Variants in TMPRSS11E observed in about 807,000 individuals in gnomAD.
TMPRSS11E encodes transmembrane protease serine 11E.
TMPRSS11E carries 38 observed loss-of-function variants against 48.1 expected under a neutral mutation model. That is an observed-to-expected ratio of 0.79 (90% CI 0.61 to 1.04). The LOEUF is 1.04. Ranked by LOEUF, TMPRSS11E falls within the 50% of genes least tolerant of loss-of-function variation. The pLI, the probability that TMPRSS11E is intolerant of heterozygous loss-of-function variation, is 0.00. For missense variants in TMPRSS11E, 530 were observed against 510.8 expected (o/e 1.04, Z -0.36); for synonymous variants, 158 against 171.9 (o/e 0.92, Z 0.63).
chr4:68,457,755 A>G (rs1478182576), intron 1 of TMPRSS11E, among the ~76,000 whole-genome samples: 1 of 152,142 alleles, frequency 6.6e-6, no homozygotes, highest in Admixed American at 6.6e-5. Flanking sequence ...TGCAGCCATA[A>G]AAGAGGATGA....
At chr4:68,465,299 C>G (rs1472894151) in intron 2 of TMPRSS11E, among the ~76,000 whole-genome samples, 1 of 152,170 alleles carries the variant, frequency 6.6e-6, no homozygotes, top group Non-Finnish European at 1.5e-5. Context: ...CGCACCCAAG[C>G]CCTTGTCAGA....
At chr4:68,479,654 A>C (rs1241512260) in intron 9 of TMPRSS11E, among the ~76,000 whole-genome samples, 1 of 150,608 alleles carries the variant, frequency 6.6e-6, no homozygotes, top group African/African-American at 2.4e-5. Context: ...AATATTAATA[A>C]ATATAAATAT....
intron 1 of TMPRSS11E, among the ~76,000 whole-genome samples, chr4:68,456,601 G>A: frequency 6.6e-6 from 1 of 151,998 alleles, no homozygotes; most frequent in East Asian, 1.9e-4. Flanking sequence ...GCTGGTTTGG[G>A]CTTTTCACAA....
At chr4:68,449,765 C>A (rs1728443877) in intron 1 of TMPRSS11E, among the ~76,000 whole-genome samples, 5 of 151,716 alleles carry the variant, frequency 3.3e-5, no homozygotes, top group Admixed American at 3.3e-4. Context: ...GAAATTAAAC[C>A]ATAAATGAAA....
intron 4 of TMPRSS11E, among the ~76,000 whole-genome samples, chr4:68,471,151 A>G (rs1377725545): frequency 6.6e-6 from 1 of 151,960 alleles, no homozygotes; most frequent in African/African-American, 2.4e-5. Flanking sequence ...GGAAACATTT[A>G]TGGATGTATT....
Position 68,472,246 on chromosome 4 carries a change from A to G in TMPRSS11E, c.490+623A>G, listed in dbSNP as rs548496897. On this transcript the variant is annotated intron_variant, in intron 5 of 9. Coordinates refer to ENST00000305363, the MANE Select transcript of TMPRSS11E (RefSeq NM_014058.4). ...AAGATCTGGCTAAGGGCTGGTTCAT[A>G]TGTTACAGAACAATGAAGGTCTATA... Among the ~76,000 whole-genome samples the G allele has an allele frequency of 1.7e-4, 26 of 152,100 alleles. No individual in the cohort carries two copies. The South Asian group carries it at 5.2e-3, about 30-fold the overall frequency.
rs577021699 is a variant in TMPRSS11E at position 68,457,298 on chromosome 4, A to G, written c.12-4523A>G. Among the ~76,000 whole-genome samples, 5 of 152,290 alleles carry G rather than the reference A, an allele frequency of 3.3e-5. No homozygotes were observed. The South Asian group carries it at 8.3e-4, about 25-fold the overall frequency. On this transcript the variant is annotated intron_variant, in intron 1 of 9. Coordinates refer to ENST00000305363, the MANE Select transcript of TMPRSS11E (RefSeq NM_014058.4). ...TGCAGCCAACAAACATATGAAAAAA[A>G]GCTCATCATCACTGTTCATCAGAGA... is the stretch of plus-strand genomic sequence containing the variant.
intron 9 of TMPRSS11E, among the ~76,000 whole-genome samples, chr4:68,490,728 T>C (rs535096857): frequency 6.6e-6 from 1 of 150,422 alleles, no homozygotes; most frequent in South Asian, 2.1e-4. Context: ...GGGTGGTAGT[T>C]CATGCTTCCC....
At chr4:68,461,163 G>C (rs569262494) in intron 1 of TMPRSS11E, among the ~76,000 whole-genome samples, 3 of 152,240 alleles carry the variant, frequency 2.0e-5, no homozygotes, top group Admixed American at 6.5e-5. Flanking sequence ...TTATAGGCGT[G>C]AGCCACCGTG....
rs895213812 is a variant in TMPRSS11E at position 68,496,639 on chromosome 4, T to C, written c.1111-4T>C. On this transcript the variant is annotated splice_polypyrimidine_tract_variant and splice_region_variant and intron_variant, in intron 9 of 9. Coordinates refer to ENST00000305363, the MANE Select transcript of TMPRSS11E (RefSeq NM_014058.4). ...GAATTACTAATTTCTGTCTTCTCCT[T>C]TAGGGTGACTCTGGAGGACCACTGG... 6.2e-7 allele frequency: 1 copy of C among 1,609,228 alleles called. No individual in the cohort carries two copies. The highest frequency in any genetic ancestry group is 8.5e-7 in the Non-Finnish European group (1 of 1,178,320).
rs566272320 is a variant in TMPRSS11E, at chr4:68,465,763, A to G, written c.137-868A>G. Among the ~76,000 whole-genome samples the G allele has an allele frequency of 3.3e-5, 5 of 152,262 alleles. No homozygotes were observed. The South Asian group carries it at 8.3e-4, about 25-fold the overall frequency. On this transcript the variant is annotated intron_variant, in intron 2 of 9. Coordinates refer to ENST00000305363, the MANE Select transcript of TMPRSS11E (RefSeq NM_014058.4). ...TGCTTTCCTATAGTAACTATATACA[A>G]CTGTCTTGATCACCAGTGTATTTCT... is the stretch of plus-strand genomic sequence containing the variant.
At chr4:68,489,406 G>A (rs1461833248) in intron 9 of TMPRSS11E, among the ~76,000 whole-genome samples, 2 of 152,178 alleles carry the variant, frequency 1.3e-5, no homozygotes, top group Non-Finnish European at 2.9e-5. Flanking sequence ...ACTTTGGCGG[G>A]GTGGCAGTGG....
chr4:68,457,930 C>T (rs1472738574), intron 1 of TMPRSS11E, among the ~76,000 whole-genome samples: 1 of 151,750 alleles, frequency 6.6e-6, no homozygotes, highest in Non-Finnish European at 1.5e-5. Context: ...TGGGGCCTAT[C>T]AGTGGGTGGG....
intron 9 of TMPRSS11E, among the ~76,000 whole-genome samples, chr4:68,479,563 T>C (rs1277962921): frequency 1.3e-5 from 2 of 149,786 alleles, no homozygotes; most frequent in African/African-American, 2.4e-5. Context: ...TTTGGTGGAG[T>C]ATAGAATAAA....
At chr4:68,462,450 G>A (rs922824138) in intron 2 of TMPRSS11E, among the ~76,000 whole-genome samples, 1 of 151,500 alleles carries the variant, frequency 6.6e-6, no homozygotes. Flanking sequence ...AGGTGTGATG[G>A]TGTACACCTG....
At chr4:68,456,855 T>C (rs1728645384) in intron 1 of TMPRSS11E, among the ~76,000 whole-genome samples, 1 of 152,160 alleles carries the variant, frequency 6.6e-6, no homozygotes, top group African/African-American at 2.4e-5. Flanking sequence ...GCTAGTCATA[T>C]GCAGAAAACT....
At chr4:68,468,094 C>G (rs1441502081) in intron 3 of TMPRSS11E, among the ~76,000 whole-genome samples, 1 of 151,996 alleles carries the variant, frequency 6.6e-6, no homozygotes, top group African/African-American at 2.4e-5. Flanking sequence ...CTCATAATTG[C>G]AAGAAGTGTC....
At chr4:68,461,755 G>A in intron 1 of TMPRSS11E, 66 bp from the exon 2 acceptor site, 1 of 1,606,542 alleles carries the variant, frequency 6.2e-7, no homozygotes, top group Non-Finnish European at 8.5e-7. Flanking sequence ...CAAAATATCT[G>A]TTTTGTCTAA....
chr4:68,466,509 T>C (rs1269738728), intron 2 of TMPRSS11E, 122 bp from the exon 3 acceptor site: 2 of 964,056 alleles, frequency 2.1e-6, no homozygotes, highest in African/African-American at 3.3e-5. Flanking sequence ...ATGATGATGA[T>C]GACCTGTGCT....
Sources: gnomAD v4.1 joint callset for allele counts (sites outside exome capture counted in the v4.1 genomes callset) on GRCh38, gnomAD v4.1.1 for gene constraint, MANE v1.5 for transcripts, NCBI Gene and HGNC (gene_info 2026-07-23, HGNC 2026-07-21) for gene names.